The following TRIM63 variants were observed in gnomAD, a reference collection of about 807,000 sequenced individuals.
TRIM63 encodes E3 ubiquitin-protein ligase TRIM63.
A neutral mutation model predicts 46.0 loss-of-function variants in TRIM63; 48 were observed. The observed-to-expected ratio is 1.04, with a 90% CI of 0.83 to 1.33. The LOEUF is 1.33. TRIM63 is among the 40% of genes most tolerant of loss of function. The pLI, the probability that TRIM63 is intolerant of heterozygous loss-of-function variation, is 0.00. For missense variants in TRIM63, 455 were observed against 441.2 expected (o/e 1.03, Z -0.28); for synonymous variants, 175 against 162.8 (o/e 1.08, Z -0.57).
At chr1:26,060,475 T>A in intron 3 of TRIM63, 114 bp from the exon 4 acceptor site, 1 of 747,314 alleles carries the variant, frequency 1.3e-6, no homozygotes, top group Non-Finnish European at 2.3e-6. Flanking sequence ...AGAAAGAGCC[T>A]CCAGTAGGGA....
At chr1:26,066,466 G>C (rs761444846) in intron 1 of TRIM63, 26 bp from the exon 2 acceptor site, 3 of 1,537,724 alleles carry the variant, frequency 2.0e-6, no homozygotes, top group Non-Finnish European at 2.6e-6. Flanking sequence ...GTCAAGGTGA[G>C]GCCTGGGCTC....
At chr1:26,058,316 T>C (rs1301395474) in intron 5 of TRIM63, 74 bp downstream of exon 5, 11 of 1,348,630 alleles carry the variant, frequency 8.2e-6, no homozygotes, top group Non-Finnish European at 1.0e-5. Context: ...GGGTGGTCAG[T>C]GGGGAAGCAT....
Position 26,057,279 on chromosome 1 carries a change from G to A in TRIM63, c.903C>T (p.Gly301=), listed in dbSNP as rs764326183. ...KGCQLGKTEQ[G]FENMDFFTLD... ...AAGTAAAGAAGTCCATGTTCTCAAA[G>A]CCCTGCTCTGTCTTCCCCAGCTGGC... The change falls in exon 7 of 9, where the codon GGC becomes GGT. Residue 301 remains glycine, a synonymous_variant. Transcript: ENST00000374272. The A allele has an allele frequency of 6.2e-7, 1 of 1,614,142 alleles. No individual in the cohort carries two copies. The highest frequency in any genetic ancestry group is 1.1e-5 in the South Asian group (1 of 91,084).
intron 2 of TRIM63, among the ~76,000 whole-genome samples, chr1:26,065,354 T>A (rs1389839641): frequency 1.3e-5 from 2 of 151,668 alleles, no homozygotes; most frequent in Non-Finnish European, 2.9e-5. Context: ...TGAGGCATGG[T>A]CTCACTGTCA....
At chr1:26,054,844 T>C (rs1237882642) in intron 7 of TRIM63, among the ~76,000 whole-genome samples, 1 of 151,922 alleles carries the variant, frequency 6.6e-6, no homozygotes, top group African/African-American at 2.4e-5. Context: ...GGCATGCACC[T>C]GTAATCCCAG....
intron 7 of TRIM63, among the ~76,000 whole-genome samples, chr1:26,056,879 C>G (rs893274976): frequency 2.6e-5 from 4 of 151,946 alleles, no homozygotes; most frequent in African/African-American, 9.7e-5. Flanking sequence ...TCTCCTGCCT[C>G]AGCTTCCCAA....
At chr1:26,057,710 G>T (rs2050586002) in intron 5 of TRIM63, 60 bp from the exon 6 acceptor site, 1 of 1,545,266 alleles carries the variant, frequency 6.5e-7, no homozygotes, top group African/African-American at 1.4e-5. Context: ...CAGGAAATCA[G>T]CAAAACTAGT....
chr1:26,053,866 A>T, intron 8 of TRIM63, 27 bp downstream of exon 8: 1 of 1,539,834 alleles, frequency 6.5e-7, no homozygotes, highest in Admixed American at 1.8e-5. Flanking sequence ...GAAGGAACGA[A>T]GGAATGGAGG....
chr1:26,065,746 TG>T (rs896288745), intron 2 of TRIM63, among the ~76,000 whole-genome samples: 1 of 152,254 alleles, frequency 6.6e-6, no homozygotes, highest in Non-Finnish European at 1.5e-5. Context: ...ACTTCCCAGC[TG>T]GGAAACCTTA....
Position 26,051,801 on chromosome 1 carries a change from C to T in TRIM63, c.*72G>A, listed in dbSNP as rs2050525349. 1.4e-6 allele frequency: 1 copy of T among 728,276 alleles called. No homozygotes were observed. Among genetic ancestry groups the T allele is most frequent in the Non-Finnish European group, 1.9e-6 (1 of 523,512 alleles). 45.1% of individuals were successfully genotyped at this position (728,276 alleles called of 1,614,324 possible). ...GACCCCTCCCACCCTGGGCCTGTCACCAAGGCCGCTGGGCCCCTCCCCACC... is the reference window on the plus strand; with the variant it reads ...GACCCCTCCCACCCTGGGCCTGTCATCAAGGCCGCTGGGCCCCTCCCCACC... On this transcript the variant is annotated 3_prime_UTR_variant, in exon 9 of 9. Transcript: ENST00000374272.
chr1:26,061,400 A>C, intron 2 of TRIM63, 66 bp from the exon 3 acceptor site: 2 of 1,550,962 alleles, frequency 1.3e-6, no homozygotes, highest in Non-Finnish European at 1.8e-6. Flanking sequence ...CCCAGCTCCA[A>C]TGCACCAGTC....
At chr1:26,063,832 C>T (rs554340857) in intron 2 of TRIM63, among the ~76,000 whole-genome samples, 113 of 152,186 alleles carry the variant, frequency 7.4e-4, no homozygotes, top group Non-Finnish European at 1.3e-3. Context: ...TTCAACTATG[C>T]GGAAAGGCCT....
chr1:26,058,512 T>G lies in TRIM63; in HGVS notation c.709A>C (p.Lys237Gln), dbSNP rs2275950. 2 of 1,614,032 alleles carry G rather than the reference T, an allele frequency of 1.2e-6. No homozygotes were observed. Among genetic ancestry groups the G allele is most frequent in the Non-Finnish European group, 1.7e-6 (2 of 1,179,994 alleles). ...LLQRITQEQE[K>Q]KLSFIEALIQ... ...AGGGCCTCGATGAAGCTAAGCTTTT[T>G]CTCCTGCTCCTGCGTGATCCGCTGC... Residue 237 changes from lysine to glutamine, a missense_variant, in exon 5 of 9, where the codon AAA becomes CAA. Coordinates refer to ENST00000374272, the MANE Select transcript of TRIM63 (RefSeq NM_032588.4).
chr1:26,063,393 A>G (rs1422030586), intron 2 of TRIM63, among the ~76,000 whole-genome samples: 1 of 152,198 alleles, frequency 6.6e-6, no homozygotes, highest in Non-Finnish European at 1.5e-5. Flanking sequence ...ACAGCCTTAC[A>G]TGACTGATCA....
rs756902630 is a variant in TRIM63, at chr1:26,066,319, C to T, written c.281G>A (p.Arg94Lys). ...MDRHGVYGLQRNLLVENIIDI... is the reference protein window; with the variant it reads ...MDRHGVYGLQKNLLVENIIDI... The stretch of plus-strand genomic sequence containing the variant: ...GATGATGTTCTCCACCAGCAGGTTC[C>T]TCTGCAGGCCGTACACTCCGTGACG... The change falls in exon 2 of 9, where the codon AGG (arginine) becomes AAG (lysine). Residue 94 changes from arginine to lysine, a missense_variant. Transcript: ENST00000374272. 3 of 1,614,162 alleles carry T rather than the reference C, an allele frequency of 1.9e-6. No homozygotes were observed. In the Admixed American group the frequency reaches 5.0e-5, roughly 27 times the overall value.
intron 2 of TRIM63, among the ~76,000 whole-genome samples, chr1:26,065,028 T>TGTGC (rs1448012238): frequency 7.2e-5 from 11 of 152,164 alleles, no homozygotes; most frequent in African/African-American, 1.9e-4. Flanking sequence ...TGTGTGTGTG[T>TGTGC]GTGTGTGTGT....
In TRIM63 at chr1:26,058,559, T is replaced by A. The variant is rs777860781; in HGVS notation, c.662A>T (p.Asp221Val). ...QKFDTLYAIL[D>V]EKKSELLQRI... ...CTGCAGCAACTCACTTTTCTTCTCATCCAGGATGGCATACAACGTGTCAAA... is the reference window on the plus strand; with the variant it reads ...CTGCAGCAACTCACTTTTCTTCTCAACCAGGATGGCATACAACGTGTCAAA... The change falls in exon 5 of 9, where the codon GAT becomes GTT. Residue 221 changes from aspartate to valine, a missense_variant. Coordinates refer to ENST00000374272, the MANE Select transcript of TRIM63 (RefSeq NM_032588.4). 1 of 1,614,098 alleles carries A rather than the reference T, an allele frequency of 6.2e-7. No homozygotes were observed. Among genetic ancestry groups the A allele is most frequent in the African/African-American group, 1.3e-5 (1 of 74,922 alleles).
intron 5 of TRIM63, among the ~76,000 whole-genome samples, chr1:26,058,175 C>A (rs1364325435): frequency 6.6e-6 from 1 of 152,160 alleles, no homozygotes; most frequent in Non-Finnish European, 1.5e-5. Context: ...CTTACAAAGT[C>A]ATTTCATAAA....
intron 2 of TRIM63, among the ~76,000 whole-genome samples, chr1:26,065,243 C>T (rs1324253091): frequency 6.6e-6 from 1 of 151,932 alleles, no homozygotes; most frequent in African/African-American, 2.4e-5. Context: ...AGTCTGGTCT[C>T]CAACTCCTGA....
Sources: allele counts gnomAD v4.1 joint callset (sites outside exome capture counted in the v4.1 genomes callset), GRCh38; gene constraint gnomAD v4.1.1; transcripts MANE v1.5; gene names NCBI Gene and HGNC (gene_info 2026-07-23, HGNC 2026-07-21).